Variants in DHRS3 observed in about 807,000 individuals in gnomAD.
DHRS3 encodes short-chain dehydrogenase/reductase 3.
In DHRS3, 14 loss-of-function variants were observed where a neutral mutation model predicts 27.2. That is an observed-to-expected ratio of 0.52 (90% confidence interval 0.34 to 0.81). The LOEUF (loss-of-function observed/expected upper bound fraction) is 0.81, where lower values mean the gene tolerates loss of function less well. Among genes scored for constraint, DHRS3 ranks in the 30% least tolerant of loss-of-function variants. DHRS3 has a pLI of 0.01. For synonymous variants in DHRS3, 165 were observed against 175.9 expected (o/e 0.94, Z 0.49); for missense variants, 322 against 406.2 (o/e 0.79, Z 1.78).
chr1:12,568,546 C>A (rs1396648495), intron 5 of DHRS3, 122 bp from the exon 6 acceptor site: 2 of 862,656 alleles, frequency 2.3e-6, no homozygotes, highest in Admixed American at 1.9e-5. Context: ...GCTCCCCACA[C>A]CTCCAAGCCA....
intron 1 of DHRS3, chr1:12,600,415 G>A (rs2100706899): frequency 1.0e-6 from 1 of 985,296 alleles, no homozygotes; most frequent in Non-Finnish European, 1.2e-6. Context: ...TGCTCATAGG[G>A]AAGTGGCCCG....
intron 1 of DHRS3, among the ~76,000 whole-genome samples, chr1:12,587,714 C>G (rs1258325108): frequency 1.4e-5 from 2 of 142,192 alleles, no homozygotes; most frequent in African/African-American, 2.8e-5. Context: ...CTCAAAAAAA[C>G]AAAAACCAAA....
rs1194007883 is a variant in DHRS3, at chr1:12,617,552, C to T, written c.-204G>A. ...AAAAAAAAAAAAAAGATAAATTCTC[C>T]TCTGGGGGAGAAAAAGCGTCTCCTA... is the stretch of plus-strand genomic sequence containing the variant. On this transcript the variant is annotated 5_prime_UTR_variant, in exon 1 of 6. Coordinates refer to ENST00000616661, the MANE Select transcript of DHRS3 (RefSeq NM_004753.7). 7 of 464,070 alleles carry T rather than the reference C, an allele frequency of 1.5e-5. No homozygotes were observed. The highest frequency in any genetic ancestry group is 2.5e-5 in the Non-Finnish European group (7 of 276,218). 28.7% of individuals were successfully genotyped at this position (464,070 alleles called of 1,614,324 possible).
chr1:12,610,055 A>G (rs193198828), intron 1 of DHRS3, among the ~76,000 whole-genome samples: 80 of 152,048 alleles, frequency 5.3e-4, no homozygotes, highest in Middle Eastern at 3.4e-3. Context: ...ATTGCTTATA[A>G]TGACAATTCA....
intron 1 of DHRS3, among the ~76,000 whole-genome samples, chr1:12,609,917 T>C (rs1261287941): frequency 6.6e-6 from 1 of 152,118 alleles, no homozygotes; most frequent in Non-Finnish European, 1.5e-5. Context: ...ACTGCTCCCT[T>C]CCCACCATGC....
rs532399787 is a variant in DHRS3 at position 12,591,266 on chromosome 1, C to T, written c.196-10600G>A. ...AAGCCACTGGGCCTGTCAGGGACTTCGGCTAGGTCCTTATGTGTCCTTCCT... is the reference window on the plus strand; with the variant it reads ...AAGCCACTGGGCCTGTCAGGGACTTTGGCTAGGTCCTTATGTGTCCTTCCT... On this transcript the variant is annotated intron_variant, in intron 1 of 5. Coordinates refer to ENST00000616661, the MANE Select transcript of DHRS3 (RefSeq NM_004753.7). The surrounding 1 kb of genome is among the most constrained non-coding windows in gnomAD (Gnocchi z 4.1). Among the ~76,000 whole-genome samples the T allele has an allele frequency of 5.9e-5, 9 of 152,334 alleles. No individual in the cohort carries two copies. The South Asian group carries it at 8.3e-4, about 14-fold the overall frequency.
intron 3 of DHRS3, 109 bp downstream of exon 3, chr1:12,579,184 G>T (rs746573565): frequency 6.2e-5 from 97 of 1,566,354 alleles, no homozygotes; most frequent in Non-Finnish European, 8.2e-5. Context: ...CTTGTTCGTG[G>T]ACATCCCTGC....
In DHRS3 at chr1:12,617,226, G is replaced by C; in HGVS notation, c.123C>G (p.Val41=). The part of the protein sequence containing the change: ...AKLRDLSREN[V]LITGGGRGIG... Reference sequence around the variant, plus strand: ...TGCCTCTCCCGCCGCCGGTGATGAGGACGTTCTCCCGCGACAGGTCCCGCA... The same window carrying C: ...TGCCTCTCCCGCCGCCGGTGATGAGCACGTTCTCCCGCGACAGGTCCCGCA... Residue 41 remains valine, a synonymous_variant, in exon 1 of 6, where the codon GTC becomes GTG. Coordinates refer to ENST00000616661, the MANE Select transcript of DHRS3 (RefSeq NM_004753.7). The C allele has an allele frequency of 1.2e-6, 2 of 1,613,654 alleles. No homozygotes were observed. The highest frequency in any genetic ancestry group is 1.1e-5 in the South Asian group (1 of 91,086).
At chr1:12,579,049 A>T in intron 3 of DHRS3, 93 bp from the exon 4 acceptor site, 2 of 1,306,420 alleles carry the variant, frequency 1.5e-6, no homozygotes. Context: ...CCGGACACAC[A>T]TGATGCTCTA....
At chr1:12,613,807 T>C (rs1646925729) in intron 1 of DHRS3, among the ~76,000 whole-genome samples, 1 of 152,154 alleles carries the variant, frequency 6.6e-6, no homozygotes, top group African/African-American at 2.4e-5. Context: ...TTTTGCTCTG[T>C]CGCCCAGGCT....
chr1:12,575,439 ACATTTAACC>A (rs1646577560), intron 4 of DHRS3, among the ~76,000 whole-genome samples: 1 of 152,152 alleles, frequency 6.6e-6, no homozygotes, highest in Non-Finnish European at 1.5e-5. Flanking sequence ...ACATGTCTTC[ACATTTAACC>A]CATTTAACCC....
In DHRS3 at chr1:12,591,664, A is replaced by T. The variant is rs1646747757; in HGVS notation, c.196-10998T>A. On this transcript the variant is annotated intron_variant, in intron 1 of 5. Transcript: ENST00000616661. The surrounding 1 kb of genome is among the most constrained non-coding windows in gnomAD (Gnocchi z 4.1). ...GCGTCTAGTCCTCTGTCAGCTCAGA[A>T]GGGCTCATACCCGAGAAAACTGATA... Among the ~76,000 whole-genome samples, 3 of 152,244 alleles carry T rather than the reference A, an allele frequency of 2.0e-5. No individual in the cohort carries two copies. The highest frequency in any genetic ancestry group is 7.2e-5 in the African/African-American group (3 of 41,466).
intron 1 of DHRS3, among the ~76,000 whole-genome samples, chr1:12,614,040 G>T (rs187793089): frequency 6.6e-6 from 1 of 152,122 alleles, no homozygotes; most frequent in Admixed American, 6.5e-5. Context: ...CAAAGTGCTG[G>T]GATTACAGGC....
At position 12,593,879 on chromosome 1, in the gene DHRS3, C is replaced by T. The variant is rs1194922168; in HGVS notation, c.196-13213G>A. Among the ~76,000 whole-genome samples the T allele has an allele frequency of 2.0e-5, 3 of 152,352 alleles. No individual in the cohort carries two copies. The highest frequency in any genetic ancestry group is 6.5e-5 in the Admixed American group (1 of 15,306). On this transcript the variant is annotated intron_variant, in intron 1 of 5. Coordinates refer to ENST00000616661, the MANE Select transcript of DHRS3 (RefSeq NM_004753.7). The surrounding 1 kb of genome is among the most constrained non-coding windows in gnomAD (Gnocchi z 4.6). Reference sequence around the variant, plus strand: ...CTGCTCACTCCCAGCCAGAAACCCACGGGCTGATGTTTCTTTTCACAAACA... The same window carrying T: ...CTGCTCACTCCCAGCCAGAAACCCATGGGCTGATGTTTCTTTTCACAAACA...
intron 1 of DHRS3, among the ~76,000 whole-genome samples, chr1:12,596,854 G>A (rs1254071379): frequency 6.6e-6 from 1 of 152,144 alleles, no homozygotes; most frequent in Non-Finnish European, 1.5e-5. Context: ...GCCTGGCACG[G>A]GGAGAACTTG....
rs11800359 is a variant in DHRS3, at chr1:12,571,734, A to G, written c.824+994T>C. ...TTTTTAGTACAGACAGGGTTTCTCC[A>G]TGTTGGTCAGGCTGGTCTCGAACTC... is the stretch of plus-strand genomic sequence containing the variant. On this transcript the variant is annotated intron_variant, in intron 5 of 5. Coordinates refer to ENST00000616661, the MANE Select transcript of DHRS3 (RefSeq NM_004753.7). Among the ~76,000 whole-genome samples, 1,191 of 152,006 alleles carry G rather than the reference A, an allele frequency of 7.8e-3. 19 individuals carry two copies. Among genetic ancestry groups the G allele is most frequent in the African/African-American group, 0.028 (1,144 of 41,424 alleles).
rs78142592 is a variant in DHRS3 at position 12,613,060 on chromosome 1, C to CA, written c.195+4093dup. Among the ~76,000 whole-genome samples the CA allele has an allele frequency of 2.4e-3, 294 of 121,274 alleles. 1 individual carries two copies. Among genetic ancestry groups the CA allele is most frequent in the East Asian group, 7.8e-3 (34 of 4,356 alleles). The allele number at this position is 121,274 out of a possible 152,430, so 79.6% of individuals were successfully genotyped here. A position where few individuals can be genotyped will look rare whatever the true frequency, so the allele number is the denominator to read the frequency against. Reference sequence around the variant, plus strand: ...GGGCAATAAGAGCAAAACTCTGTTTCAAAAAAAAAAAAAGGAGATGACGGG... The same window carrying CA: ...GGGCAATAAGAGCAAAACTCTGTTTCAAAAAAAAAAAAAAGGAGATGACGGG... On this transcript the variant is annotated intron_variant, in intron 1 of 5. Transcript: ENST00000616661.
At chr1:12,600,425 G>A (rs566408932) in intron 1 of DHRS3, 41 of 982,708 alleles carry the variant, frequency 4.2e-5, no homozygotes, top group Non-Finnish European at 4.7e-5. Context: ...GAAGTGGCCC[G>A]GAGAGGCCAG....
In DHRS3 at chr1:12,568,287, G is replaced by A; in HGVS notation, c.*53C>T. ...GGACAGGTGCTCGGGTGTGTGCCCA[G>A]GTGCTGTGGCCCCCAAACTCCGTGG... On this transcript the variant is annotated 3_prime_UTR_variant, in exon 6 of 6. Coordinates refer to ENST00000616661, the MANE Select transcript of DHRS3 (RefSeq NM_004753.7). 6.6e-7 allele frequency: 1 copy of A among 1,525,144 alleles called. No homozygotes were observed. The allele number at this position is 1,525,144 out of a possible 1,614,324, so 94.5% of individuals were successfully genotyped here.
Sources: allele counts gnomAD v4.1 joint callset (sites outside exome capture counted in the v4.1 genomes callset), GRCh38; gene constraint gnomAD v4.1.1; non-coding constraint Gnocchi (gnomAD v3.1); transcripts MANE v1.5; gene names NCBI Gene and HGNC (gene_info 2026-07-23, HGNC 2026-07-21).